Variants in DISC1 observed in about 807,000 individuals in gnomAD.
DISC1 encodes disrupted in schizophrenia 1 protein.
DISC1 carries 57 observed loss-of-function variants against 84.5 expected under a neutral mutation model. The ratio of observed to expected loss-of-function variants is 0.67; its 90% CI spans 0.55 to 0.84. The LOEUF (loss-of-function observed/expected upper bound fraction) is 0.84. Among genes scored for constraint, DISC1 ranks in the 40% least tolerant of loss-of-function variants. The probability of loss-of-function intolerance (pLI) is 0.00; values close to 1 mark genes in which losing one functional copy is unlikely to be tolerated. For synonymous variants in DISC1, 411 were observed against 415.2 expected (o/e 0.99, Z 0.12); for missense variants, 1,000 against 1,057.8 (o/e 0.95, Z 0.76).
intron 1 of DISC1, among the ~76,000 whole-genome samples, chr1:231,661,042 C>A (rs2061523444): frequency 6.6e-6 from 1 of 152,098 alleles, no homozygotes; most frequent in African/African-American, 2.4e-5. Flanking sequence ...GTTGGAAATT[C>A]TTTTCTTTAA....
chr1:231,946,832 A>T (rs1312103334), intron 9 of DISC1, among the ~76,000 whole-genome samples: 2 of 152,226 alleles, frequency 1.3e-5, no homozygotes, highest in Non-Finnish European at 2.9e-5. Context: ...AGAGACCCAA[A>T]TCCTGAATGA....
At position 231,871,328 on chromosome 1, in the gene DISC1, G is replaced by A. The variant is rs994611893; in HGVS notation, c.1981+52811G>A. 2.0e-5 allele frequency among the ~76,000 whole-genome samples: 3 copies of A among 152,340 alleles called. No homozygotes were observed. The South Asian group carries it at 6.2e-4, about 32-fold the overall frequency. ...GGAAGAGAGAATAGAAGGTTCTGGG[G>A]AAGGGGACCCACTCTGGGCAGAGGG... On this transcript the variant is annotated intron_variant, in intron 9 of 12. Coordinates refer to ENST00000439617, the MANE Select transcript of DISC1 (RefSeq NM_018662.3).
At chr1:231,989,322 G>C (rs1172172442) in intron 10 of DISC1, among the ~76,000 whole-genome samples, 2 of 152,168 alleles carry the variant, frequency 1.3e-5, no homozygotes, top group Non-Finnish European at 2.9e-5. Flanking sequence ...CTGTGTTCTG[G>C]TCTGTGCTTT....
intron 9 of DISC1, among the ~76,000 whole-genome samples, chr1:231,829,490 GAGTAGCTGGA>G (rs1213360366): frequency 6.6e-6 from 1 of 151,980 alleles, no homozygotes; most frequent in African/African-American, 2.4e-5. Flanking sequence ...TCAGTCTTCC[GAGTAGCTGGA>G]AGTACAGGCA....
Position 231,761,746 on chromosome 1 carries a change from T to C in DISC1, c.1269-5394T>C, listed in dbSNP as rs181230285. Reference sequence around the variant, plus strand: ...TAAGCAGAGCAAATTGGGGAATAAATTAGTGCAAAGAAATGATCCAATGCA... The same window carrying C: ...TAAGCAGAGCAAATTGGGGAATAAACTAGTGCAAAGAAATGATCCAATGCA... On this transcript the variant is annotated intron_variant, in intron 4 of 12. Transcript: ENST00000439617. Among the ~76,000 whole-genome samples, 34 of 152,340 alleles carry C rather than the reference T, an allele frequency of 2.2e-4. 1 individual carries two copies. The highest frequency in any genetic ancestry group is 7.2e-4 in the African/African-American group (30 of 41,582).
intron 9 of DISC1, among the ~76,000 whole-genome samples, chr1:231,953,003 A>T (rs372887751): frequency 2.0e-5 from 3 of 152,160 alleles, no homozygotes; most frequent in East Asian, 3.8e-4. Flanking sequence ...GTGTTTTGTA[A>T]CAATGAGCTC....
intron 3 of DISC1, among the ~76,000 whole-genome samples, chr1:231,719,081 C>T (rs184091963): frequency 3.3e-4 from 50 of 152,294 alleles, no homozygotes; most frequent in African/African-American, 1.1e-3. Flanking sequence ...GCTATGATCA[C>T]ACCACTGCAC....
intron 10 of DISC1, among the ~76,000 whole-genome samples, chr1:231,967,511 G>C (rs1216601073): frequency 2.6e-5 from 4 of 152,098 alleles, no homozygotes; most frequent in Admixed American, 2.6e-4. Flanking sequence ...TTACTGATGA[G>C]TGCACACAGT....
intron 3 of DISC1, among the ~76,000 whole-genome samples, chr1:231,703,298 C>T (rs912609402): frequency 1.1e-4 from 17 of 152,128 alleles, no homozygotes; most frequent in African/African-American, 4.1e-4. Context: ...GATGAGTTGC[C>T]TGAGAGAGGA....
chr1:231,992,756 T>G (rs1257889094), intron 10 of DISC1, among the ~76,000 whole-genome samples: 2 of 152,218 alleles, frequency 1.3e-5, no homozygotes, highest in Non-Finnish European at 2.9e-5. Context: ...CCTATTAATC[T>G]TTACTAGAAT....
At chr1:231,662,218 A>G (rs979812772) in intron 1 of DISC1, among the ~76,000 whole-genome samples, 7 of 152,228 alleles carry the variant, frequency 4.6e-5, no homozygotes, top group African/African-American at 1.7e-4. Flanking sequence ...TCACCCAGTC[A>G]GGTGGAATGG....
At chr1:231,738,616 C>T (rs898356643) in intron 3 of DISC1, among the ~76,000 whole-genome samples, 5 of 152,294 alleles carry the variant, frequency 3.3e-5, no homozygotes, top group African/African-American at 1.2e-4. Context: ...ATCACCCCAT[C>T]ATTCTGTGGC....
chr1:231,674,953 C>A (rs540509835), intron 1 of DISC1, among the ~76,000 whole-genome samples: 1 of 152,134 alleles, frequency 6.6e-6, no homozygotes, highest in Non-Finnish European at 1.5e-5. Context: ...CTTTTGGAGG[C>A]TGGGAAGGAT....
intron 9 of DISC1, among the ~76,000 whole-genome samples, chr1:231,831,740 T>C (rs1472190083): frequency 6.6e-6 from 1 of 152,138 alleles, no homozygotes; most frequent in Non-Finnish European, 1.5e-5. Context: ...CACATGGTGG[T>C]GTATGATATG....
Position 232,026,514 on chromosome 1 carries a change from T to C in DISC1, c.2387T>C (p.Leu796Pro). The C allele has an allele frequency of 1.9e-6, 3 of 1,607,632 alleles. No homozygotes were observed. Among genetic ancestry groups the C allele is most frequent in the Non-Finnish European group, 2.5e-6 (3 of 1,176,868 alleles). ...GKKLLYLEDQLHTAIHSHDED... is the reference protein window; with the variant it reads ...GKKLLYLEDQPHTAIHSHDED... Reference sequence around the variant, plus strand: ...AAGCTATTGTACTTGGAAGATCAACTTCACACAGCAATCCACAGTCATGAT... The same window carrying C: ...AAGCTATTGTACTTGGAAGATCAACCTCACACAGCAATCCACAGTCATGAT... The change falls in exon 12 of 13, where the codon CTT (leucine) becomes CCT (proline). Residue 796 changes from leucine to proline, a missense_variant. Transcript: ENST00000439617.
rs2066524246 is a variant in DISC1 at position 231,702,317 on chromosome 1, A to G, written c.1117+293A>G. 5.4e-6 allele frequency: 6 copies of G among 1,118,430 alleles called. No individual in the cohort carries two copies. The South Asian group carries it at 1.5e-4, about 29-fold the overall frequency. The allele number at this position is 1,118,430 out of a possible 1,614,324, so 69.3% of individuals were successfully genotyped here. A position where few individuals can be genotyped will look rare whatever the true frequency, so the allele number is the denominator to read the frequency against. ...TTGCCACCTGTCTGCCCATGGTGTGATGTATCTATAATCCACTTGTTCATA... is the reference window on the plus strand; with the variant it reads ...TTGCCACCTGTCTGCCCATGGTGTGGTGTATCTATAATCCACTTGTTCATA... On this transcript the variant is annotated intron_variant, in intron 3 of 12. Coordinates refer to ENST00000439617, the MANE Select transcript of DISC1 (RefSeq NM_018662.3).
intron 6 of DISC1, among the ~76,000 whole-genome samples, chr1:231,792,597 G>T (rs928522646): frequency 6.6e-5 from 10 of 152,204 alleles, no homozygotes; most frequent in African/African-American, 2.4e-4. Context: ...CCCAGCAAGG[G>T]AAAGTGCATT....
intron 3 of DISC1, among the ~76,000 whole-genome samples, chr1:231,711,310 GA>G (rs1345789915): frequency 6.9e-6 from 1 of 145,052 alleles, no homozygotes; most frequent in Non-Finnish European, 1.5e-5. Flanking sequence ...CATTAGAATT[GA>G]TTTTTTTTTT....
rs540393707 is a variant in DISC1, at chr1:231,834,050, C to A, written c.1981+15533C>A. On this transcript the variant is annotated intron_variant, in intron 9 of 12. Coordinates refer to ENST00000439617, the MANE Select transcript of DISC1 (RefSeq NM_018662.3). ...GAACTGGGCTGGGTTTTTATAGTTG[C>A]TGAAAAAGAGCCTAAACACTATCTG... Among the ~76,000 whole-genome samples, 390 of 152,130 alleles carry A rather than the reference C, an allele frequency of 2.6e-3. 2 individuals are homozygous for A. Among genetic ancestry groups the A allele is most frequent in the African/African-American group, 9.0e-3 (374 of 41,500 alleles).
Sources: allele counts gnomAD v4.1 joint callset (sites outside exome capture counted in the v4.1 genomes callset), GRCh38; gene constraint gnomAD v4.1.1; transcripts MANE v1.5; gene names NCBI Gene and HGNC (gene_info 2026-07-23, HGNC 2026-07-21).